ANXA5: variants seen among roughly 807,000 people sequenced by gnomAD.
ANXA5 encodes the protein annexin A5.
In ANXA5, 40 loss-of-function variants were observed where a neutral mutation model predicts 48.1. The ratio of observed to expected loss-of-function variants is 0.83; its 90% CI spans 0.65 to 1.08. The LOEUF (loss-of-function observed/expected upper bound fraction) is 1.08. Among genes scored for constraint, ANXA5 ranks in the 50% least tolerant of loss-of-function variants. ANXA5 has a pLI of 0.00. For synonymous variants in ANXA5, 113 were observed against 129.1 expected (o/e 0.88, Z 0.85); for missense variants, 357 against 376.8 (o/e 0.95, Z 0.44).
intron 8 of ANXA5, among the ~76,000 whole-genome samples, chr4:121,675,605 T>G (rs905762840): frequency 5.9e-5 from 9 of 152,358 alleles, no homozygotes; most frequent in Admixed American, 5.9e-4. Flanking sequence ...AGGGATACTT[T>G]AAAGTAACTC....
chr4:121,691,361 G>GA (rs1724981525), intron 2 of ANXA5, among the ~76,000 whole-genome samples: 1 of 151,798 alleles, frequency 6.6e-6, no homozygotes, highest in Admixed American at 6.6e-5. Context: ...AACAACAAGG[G>GA]AAGGGTAGCT....
At chr4:121,678,208 A>C in intron 7 of ANXA5, 1 of 609,648 alleles carries the variant, frequency 1.6e-6, no homozygotes, top group Non-Finnish European at 2.9e-6. Context: ...TACTATCTAA[A>C]ACATGTATGA....
At chr4:121,674,016 A>C (rs1199672945) in intron 8 of ANXA5, among the ~76,000 whole-genome samples, 1 of 151,492 alleles carries the variant, frequency 6.6e-6, no homozygotes, top group Non-Finnish European at 1.5e-5. Context: ...ACCTGTCTCT[A>C]CTAAAAATAC....
At chr4:121,694,072 T>A (rs1725031774) in intron 2 of ANXA5, among the ~76,000 whole-genome samples, 1 of 112,618 alleles carries the variant, frequency 8.9e-6, no homozygotes, top group African/African-American at 3.4e-5. Context: ...AAGGGGAACA[T>A]CACACACCCA....
chr4:121,696,505 C>T, intron 2 of ANXA5, 76 bp downstream of exon 2: 1 of 1,291,168 alleles, frequency 7.7e-7, no homozygotes. Context: ...GGCTCTCAGA[C>T]AAATCCTAAA....
intron 2 of ANXA5, among the ~76,000 whole-genome samples, chr4:121,691,483 C>CT (rs1456579064): frequency 6.6e-6 from 1 of 152,094 alleles, no homozygotes; most frequent in Non-Finnish European, 1.5e-5. Flanking sequence ...CAGAAAAGGA[C>CT]TAAACTCTCT....
intron 2 of ANXA5, among the ~76,000 whole-genome samples, chr4:121,689,555 G>A (rs2110490242): frequency 6.6e-6 from 1 of 152,334 alleles, no homozygotes; most frequent in Non-Finnish European, 1.5e-5. Flanking sequence ...AAAGTTGCCT[G>A]TGAATTTGCC....
chr4:121,694,102 CGGGGGGG>C (rs1473282703), intron 2 of ANXA5, among the ~76,000 whole-genome samples: 5 of 6,988 alleles, frequency 7.2e-4, no homozygotes, highest in African/African-American at 3.9e-3. Context: ...CTATTGTGGG[CGGGGGGG>C]AGGGGGGAGG....
At chr4:121,681,063 A>G (rs1434204522) in intron 6 of ANXA5, among the ~76,000 whole-genome samples, 1 of 152,204 alleles carries the variant, frequency 6.6e-6, no homozygotes, top group East Asian at 1.9e-4. Context: ...TCTGGTAAGA[A>G]AAGGACTCTC....
intron 2 of ANXA5, among the ~76,000 whole-genome samples, chr4:121,688,528 A>C (rs1211292361): frequency 6.6e-6 from 1 of 152,188 alleles, no homozygotes; most frequent in African/African-American, 2.4e-5. Context: ...CATGACTTAC[A>C]TTGTAGTATT....
chr4:121,681,655 A>T lies in ANXA5; in HGVS notation c.394+16T>A, dbSNP rs1724794484. 2 of 1,574,206 alleles carry T rather than the reference A, an allele frequency of 1.3e-6. No homozygotes were observed. The highest frequency in any genetic ancestry group is 1.1e-5 in the South Asian group (1 of 89,022). The stretch of plus-strand genomic sequence containing the variant: ...ATAGTGGAGGTGAAGTCAAAATATA[A>T]CTCACAAACATTTACCTTCTTCATA... On this transcript the variant is annotated intron_variant, in intron 6 of 12. Coordinates refer to ENST00000296511, the MANE Select transcript of ANXA5 (RefSeq NM_001154.4).
intron 10 of ANXA5, among the ~76,000 whole-genome samples, chr4:121,671,048 G>T (rs548367576): frequency 6.6e-6 from 1 of 152,196 alleles, no homozygotes; most frequent in African/African-American, 2.4e-5. Context: ...AATTTTTCCA[G>T]ATTATTCTGA....
At chr4:121,692,964 T>C (rs1455217365) in intron 2 of ANXA5, among the ~76,000 whole-genome samples, 1 of 152,264 alleles carries the variant, frequency 6.6e-6, no homozygotes, top group Non-Finnish European at 1.5e-5. Context: ...CCAGGCGCAG[T>C]GGCTCATGCC....
chr4:121,671,747 T>A (rs1169837162), intron 9 of ANXA5, 105 bp from the exon 10 acceptor site: 1 of 762,714 alleles, frequency 1.3e-6, no homozygotes, highest in Non-Finnish European at 2.2e-6. Context: ...AAATCTCCCC[T>A]TCTTCCTTGC....
intron 2 of ANXA5, among the ~76,000 whole-genome samples, chr4:121,688,004 G>A (rs549149573): frequency 2.4e-4 from 36 of 152,212 alleles, no homozygotes; most frequent in African/African-American, 8.2e-4. Flanking sequence ...ACCACATGAC[G>A]GTAAATAGGA....
intron 2 of ANXA5, among the ~76,000 whole-genome samples, chr4:121,689,372 TAA>T (rs947443814): frequency 1.8e-4 from 27 of 152,198 alleles, no homozygotes; most frequent in African/African-American, 6.3e-4. Flanking sequence ...AACTACTAGT[TAA>T]AAGTCAGGAT....
In ANXA5 at chr4:121,669,690, ACT is replaced by A. The variant is rs1210024076; in HGVS notation, c.813_814del (p.Arg271SerfsTer7). 1.2e-6 allele frequency: 2 copies of A among 1,612,570 alleles called. No homozygotes were observed. Among genetic ancestry groups the A allele is most frequent in the African/African-American group, 2.7e-5 (2 of 74,670 alleles). On this transcript the variant is annotated frameshift_variant, in exon 12 of 13. Transcript: ENST00000296511. LOFTEE classifies it high-confidence loss of function. ...ATCAATCTCACTCCTGGAAACCATGACTCTGATGAGGGTATGATCATCTGTCC... is the reference window on the plus strand; with the variant it reads ...ATCAATCTCACTCCTGGAAACCATGACTGATGAGGGTATGATCATCTGTCC...
chr4:121,683,463 G>T lies in ANXA5; in HGVS notation c.204C>A (p.Asp68Glu). ...ATTTTCCAGTTAGTTCTGATTTCAG[G>T]TCATCCAGAAGATCCTAACCCACAG... ...KTLFGRDLLD[D>E]LKSELTGKFE... Residue 68 changes from aspartate (D) to glutamate (E), a missense_variant, in exon 5 of 13, where the codon GAC becomes GAA. Transcript: ENST00000296511. 1 of 1,603,206 alleles carries T rather than the reference G, an allele frequency of 6.2e-7. No individual in the cohort carries two copies. Among genetic ancestry groups the T allele is most frequent in the Non-Finnish European group, 8.5e-7 (1 of 1,171,528 alleles).
chr4:121,672,701 T>C (rs761699421), intron 8 of ANXA5, 75 bp from the exon 9 acceptor site: 21 of 1,043,874 alleles, frequency 2.0e-5, no homozygotes, highest in Non-Finnish European at 2.8e-5. Flanking sequence ...ACTTGTTTTT[T>C]ACTCCCTGAA....
Sources: gnomAD v4.1 joint callset for allele counts (sites outside exome capture counted in the v4.1 genomes callset) on GRCh38, gnomAD v4.1.1 for gene constraint, MANE v1.5 for transcripts, NCBI Gene and HGNC (gene_info 2026-07-23, HGNC 2026-07-21) for gene names.